The following KCNIP4 variants were observed in gnomAD, a reference collection of about 807,000 sequenced individuals.
KCNIP4 encodes potassium voltage-gated channel interacting protein 4.
In KCNIP4, 12 loss-of-function variants were observed where a neutral mutation model predicts 34.0. That is an observed-to-expected ratio of 0.35 (90% confidence interval 0.23 to 0.57). The LOEUF is 0.57. Among genes scored for constraint, KCNIP4 ranks in the 20% least tolerant of loss-of-function variants. The pLI, the probability that KCNIP4 is intolerant of heterozygous loss-of-function variation, is 0.83. For missense variants in KCNIP4, 238 were observed against 311.7 expected (o/e 0.76, Z 1.78); for synonymous variants, 124 against 102.2 (o/e 1.21, Z -1.29).
intron 1 of KCNIP4, among the ~76,000 whole-genome samples, chr4:21,887,822 A>G (rs771467546): frequency 5.3e-5 from 8 of 152,160 alleles, no homozygotes; most frequent in Non-Finnish European, 1.2e-4. Flanking sequence ...AATATTGCTG[A>G]TGATTGAAAC....
intron 1 of KCNIP4, among the ~76,000 whole-genome samples, chr4:21,125,469 C>G (rs1409516978): frequency 6.6e-6 from 1 of 152,048 alleles, no homozygotes. Flanking sequence ...CCCACCTCGG[C>G]CTTCCAAAGT....
At chr4:21,609,394 T>C (rs1332332589) in intron 1 of KCNIP4, among the ~76,000 whole-genome samples, 1 of 152,180 alleles carries the variant, frequency 6.6e-6, no homozygotes, top group African/African-American at 2.4e-5. Flanking sequence ...ACCAGCATTA[T>C]GTTAAATGAA....
chr4:20,767,609 T>C (rs1396367317), intron 3 of KCNIP4, among the ~76,000 whole-genome samples: 3 of 152,150 alleles, frequency 2.0e-5, no homozygotes, highest in Non-Finnish European at 2.9e-5. Context: ...GCATGAGAAA[T>C]AGCTGCAGTG....
intron 1 of KCNIP4, among the ~76,000 whole-genome samples, chr4:21,234,579 CA>C: frequency 7.5e-6 from 1 of 133,100 alleles, no homozygotes; most frequent in African/African-American, 2.9e-5. Context: ...ATATATATTA[CA>C]TATAACGTAT....
At chr4:21,630,566 C>A (rs140650140) in intron 1 of KCNIP4, among the ~76,000 whole-genome samples, 165 of 152,110 alleles carry the variant, frequency 1.1e-3, no homozygotes, top group African/African-American at 3.9e-3. Context: ...ACTTACTCTG[C>A]TTTTTTCTCT....
intron 3 of KCNIP4, among the ~76,000 whole-genome samples, chr4:20,816,138 AGCTACT>A (rs1716349067): frequency 6.6e-6 from 1 of 151,912 alleles, no homozygotes; most frequent in Non-Finnish European, 1.5e-5. Flanking sequence ...CTGTAGTCCC[AGCTACT>A]TGGGGAGGCT....
intron 1 of KCNIP4, among the ~76,000 whole-genome samples, chr4:21,247,440 G>A (rs1177347886): frequency 6.6e-6 from 1 of 151,476 alleles, no homozygotes; most frequent in African/African-American, 2.4e-5. Flanking sequence ...GGAAGAGCAG[G>A]AAACTTCATG....
chr4:21,011,381 G>C (rs1739051094), intron 1 of KCNIP4, among the ~76,000 whole-genome samples: 1 of 152,138 alleles, frequency 6.6e-6, no homozygotes, highest in Non-Finnish European at 1.5e-5. Context: ...TTATTGTTCT[G>C]AAAGTCTTTG....
At chr4:21,419,047 G>A (rs750515040) in intron 1 of KCNIP4, among the ~76,000 whole-genome samples, 27 of 152,098 alleles carry the variant, frequency 1.8e-4, no homozygotes, top group Admixed American at 3.3e-4. Context: ...CCTTCTACTC[G>A]GGAGTTTTCA....
intron 1 of KCNIP4, among the ~76,000 whole-genome samples, chr4:20,895,203 G>A (rs897834951): frequency 1.3e-5 from 2 of 152,274 alleles, no homozygotes; most frequent in Middle Eastern, 3.4e-3. Flanking sequence ...TCTCTTTGTG[G>A]TATGGTTTTA....
chr4:21,700,688 G>A (rs1273539166), intron 1 of KCNIP4, among the ~76,000 whole-genome samples: 1 of 151,986 alleles, frequency 6.6e-6, no homozygotes, highest in Non-Finnish European at 1.5e-5. Flanking sequence ...CCAATGTCCT[G>A]AAGCTTTTCT....
At chr4:21,236,845 T>TAAA (rs75125946) in intron 1 of KCNIP4, among the ~76,000 whole-genome samples, 4 of 142,088 alleles carry the variant, frequency 2.8e-5, no homozygotes, top group Non-Finnish European at 4.6e-5. Flanking sequence ...CCACCTCTAC[T>TAAA]AAAAAAAAAA....
At chr4:21,264,055 T>A (rs947818061) in intron 1 of KCNIP4, among the ~76,000 whole-genome samples, 5 of 152,080 alleles carry the variant, frequency 3.3e-5, no homozygotes, top group African/African-American at 9.6e-5. Flanking sequence ...GAAGGCTCTA[T>A]TGAATCCAAG....
intron 1 of KCNIP4, among the ~76,000 whole-genome samples, chr4:21,358,137 G>A (rs1013621690): frequency 6.6e-6 from 1 of 152,084 alleles, no homozygotes; most frequent in Admixed American, 6.6e-5. Flanking sequence ...CTTGGACACA[G>A]GGAAGAGAAC....
intron 1 of KCNIP4, among the ~76,000 whole-genome samples, chr4:21,382,008 G>T (rs756178078): frequency 1.3e-5 from 2 of 152,118 alleles, no homozygotes; most frequent in East Asian, 1.9e-4. Context: ...CTAAGAAAAT[G>T]GAACAGCAAA....
At chr4:20,833,076 A>G (rs1718619604) in intron 3 of KCNIP4, among the ~76,000 whole-genome samples, 1 of 152,222 alleles carries the variant, frequency 6.6e-6, no homozygotes. Flanking sequence ...TCAGTCTCAC[A>G]AATGTGCAGC....
chr4:21,708,493 A>G (rs1713466077), intron 1 of KCNIP4, among the ~76,000 whole-genome samples: 1 of 152,132 alleles, frequency 6.6e-6, no homozygotes, highest in Non-Finnish European at 1.5e-5. Flanking sequence ...ACATAAGCCA[A>G]ATACCATCTT....
intron 1 of KCNIP4, among the ~76,000 whole-genome samples, chr4:21,150,985 A>C (rs1247950621): frequency 3.9e-5 from 6 of 152,168 alleles, no homozygotes; most frequent in Non-Finnish European, 7.4e-5. Flanking sequence ...GTTATCACTC[A>C]GTTTTGTTTC....
intron 3 of KCNIP4, among the ~76,000 whole-genome samples, chr4:20,849,468 T>C (rs1465119921): frequency 2.0e-5 from 3 of 152,128 alleles, no homozygotes; most frequent in Non-Finnish European, 4.4e-5. Context: ...TCTGAGTAAA[T>C]TGCTGTTGTG....
Sources: gnomAD v4.1 joint callset for allele counts (sites outside exome capture counted in the v4.1 genomes callset) on GRCh38, gnomAD v4.1.1 for gene constraint, MANE v1.5 for transcripts, NCBI Gene and HGNC (gene_info 2026-07-23, HGNC 2026-07-21) for gene names.